Variants in VPS39 observed in about 807,000 individuals in gnomAD.
The protein encoded by VPS39 is VPS39 subunit of HOPS complex, also known as vam6/Vps39-like protein.
Under a neutral mutation model 121.0 loss-of-function variants are expected in VPS39, and 70 were observed. The ratio of observed to expected loss-of-function variants is 0.58; its 90% CI spans 0.48 to 0.71. The LOEUF is 0.71. Ranked by LOEUF, VPS39 falls within the 30% of genes least tolerant of loss-of-function variation. The probability of loss-of-function intolerance (pLI) is 0.00; values close to 1 mark genes in which losing one functional copy is unlikely to be tolerated. For synonymous variants in VPS39, 378 were observed against 398.1 expected (o/e 0.95, Z 0.60); for missense variants, 818 against 1,051.5 (o/e 0.78, Z 3.07).
At chr15:42,161,877 C>G in intron 23 of VPS39, 104 bp from the exon 24 acceptor site, 19 of 1,590,570 alleles carry the variant, frequency 1.2e-5, no homozygotes, top group Non-Finnish European at 1.6e-5. Flanking sequence ...ACAGATTCTT[C>G]TGCTTAGAAC....
At chr15:42,205,501 T>C (rs891391218) in intron 1 of VPS39, among the ~76,000 whole-genome samples, 1 of 152,256 alleles carries the variant, frequency 6.6e-6, no homozygotes, top group African/African-American at 2.4e-5. Context: ...GCTTTGTGCA[T>C]TGATGGAACA....
chr15:42,176,580 T>C (rs564619895), intron 10 of VPS39, among the ~76,000 whole-genome samples: 39 of 151,100 alleles, frequency 2.6e-4, no homozygotes, highest in South Asian at 6.3e-4. Context: ...TAAAATAATA[T>C]AGGACAATGC....
chr15:42,204,020 C>T lies in VPS39; in HGVS notation c.74-4059G>A, dbSNP rs534823903. On this transcript the variant is annotated intron_variant, in intron 1 of 24. Transcript: ENST00000318006. ...CCTAACCCTGAGCCACAAGGTTGGA[C>T]TTAATTCCTCCTGAGAAGGAGGGCT... is the stretch of plus-strand genomic sequence containing the variant. Among the ~76,000 whole-genome samples, 173 of 152,356 alleles carry T rather than the reference C, an allele frequency of 1.1e-3. 1 individual carries two copies. The highest frequency in any genetic ancestry group is 1.7e-3 in the Non-Finnish European group (116 of 68,030).
chr15:42,201,613 C>T (rs1431261337), intron 1 of VPS39, among the ~76,000 whole-genome samples: 4 of 152,176 alleles, frequency 2.6e-5, no homozygotes, highest in Admixed American at 2.6e-4. Context: ...AAAGTAGGCC[C>T]AGGAATTTTC....
chr15:42,199,102 T>C (rs2050009029), intron 2 of VPS39, among the ~76,000 whole-genome samples: 1 of 152,118 alleles, frequency 6.6e-6, no homozygotes, highest in African/African-American at 2.4e-5. Context: ...ATATATATTA[T>C]ATTGAAGGGT....
chr15:42,164,822 T>A, intron 18 of VPS39, 174 bp downstream of exon 18: 1 of 1,439,284 alleles, frequency 6.9e-7, no homozygotes, highest in Non-Finnish European at 9.1e-7. Context: ...AGACAAGAGC[T>A]CCTGAGTCTC....
In VPS39 at chr15:42,161,723, C is replaced by T. The variant is rs1204986154; in HGVS notation, c.2511G>A (p.Glu837=). Residue 837 remains glutamate (E), a synonymous_variant, in exon 24 of 25, where the codon GAG becomes GAA. Coordinates refer to ENST00000318006, the MANE Select transcript of VPS39 (RefSeq NM_015289.5). ...LHQQVKCIIT[E]EKVCMVCKKK... ...TCTTACACACCATGCACACCTTCTC[C>T]TCTGTGATGATGCACTTCACCTGCT... is the stretch of plus-strand genomic sequence containing the variant. The T allele has an allele frequency of 1.2e-6, 2 of 1,614,084 alleles. No homozygotes were observed. The highest frequency in any genetic ancestry group is 2.7e-5 in the African/African-American group (2 of 74,926).
rs1215216226 is a variant in VPS39 at position 42,192,213 on chromosome 15, A to AATT, written c.140-656_140-654dup. 2.1e-5 allele frequency: 21 copies of AATT among 979,364 alleles called. No homozygotes were observed. The African/African-American group carries it at 2.4e-4, about 11-fold the overall frequency. 60.7% of individuals were successfully genotyped at this position (979,364 alleles called of 1,614,324 possible). A position where few individuals can be genotyped will look rare whatever the true frequency, so the allele number is the denominator to read the frequency against. ...GTCACCAATGAGTCAAAAAGAGAAT[A>AATT]ATTATCATCATCATCATCAGAGCAG... On this transcript the variant is annotated intron_variant, in intron 2 of 24. Coordinates refer to ENST00000318006, the MANE Select transcript of VPS39 (RefSeq NM_015289.5).
intron 7 of VPS39, among the ~76,000 whole-genome samples, chr15:42,185,362 T>G (rs1415967511): frequency 6.6e-6 from 1 of 151,890 alleles, no homozygotes; most frequent in South Asian, 2.1e-4. Flanking sequence ...TTTTTGTATT[T>G]TTAGTAGAGA....
intron 23 of VPS39, 63 bp downstream of exon 23, chr15:42,161,969 G>A: frequency 4.4e-6 from 7 of 1,608,170 alleles, no homozygotes; most frequent in Non-Finnish European, 5.9e-6. Context: ...AAGGGAACAT[G>A]TGGACATTGT....
intron 2 of VPS39, among the ~76,000 whole-genome samples, chr15:42,195,429 C>T (rs1180588397): frequency 6.6e-6 from 1 of 152,156 alleles, no homozygotes; most frequent in Non-Finnish European, 1.5e-5. Context: ...ACAAAAATGG[C>T]TCAGCCCAAA....
intron 1 of VPS39, among the ~76,000 whole-genome samples, chr15:42,206,365 T>G (rs1320117548): frequency 6.6e-6 from 1 of 152,230 alleles, no homozygotes; most frequent in Non-Finnish European, 1.5e-5. Flanking sequence ...AATGGCCTCT[T>G]GTAACCTAAT....
intron 4 of VPS39, among the ~76,000 whole-genome samples, chr15:42,189,582 A>T (rs1016782307): frequency 6.6e-6 from 1 of 151,964 alleles, no homozygotes; most frequent in Non-Finnish European, 1.5e-5. Context: ...TACAAAAATC[A>T]GCTGGGTATG....
chr15:42,192,005 G>A, intron 2 of VPS39: 3 of 1,502,996 alleles, frequency 2.0e-6, no homozygotes, highest in Non-Finnish European at 2.7e-6. Context: ...GTATCACGGA[G>A]ACAGAGCAAA....
In VPS39 at chr15:42,188,368, A is replaced by G. The variant is rs187658760; in HGVS notation, c.343-512T>C. On this transcript the variant is annotated intron_variant, in intron 5 of 24. Transcript: ENST00000318006. ...AGAGAGAGGGGTGAGGCAGATTCTG[A>G]AGAATAAAAGAATGATAAATTGGCA... Among the ~76,000 whole-genome samples, 500 of 152,334 alleles carry G rather than the reference A, an allele frequency of 3.3e-3. 1 individual carries two copies. The highest frequency in any genetic ancestry group is 7.3e-3 in the Admixed American group (112 of 15,300).
intron 17 of VPS39, 69 bp downstream of exon 17, chr15:42,165,649 G>T: frequency 2.3e-6 from 3 of 1,285,832 alleles, no homozygotes; most frequent in South Asian, 1.2e-5. Context: ...TGAACAGCCC[G>T]ATAACAGAAC....
intron 7 of VPS39, 110 bp from the exon 8 acceptor site, chr15:42,184,810 T>C (rs1292734401): frequency 1.3e-5 from 14 of 1,040,152 alleles, no homozygotes; most frequent in Admixed American, 2.6e-5. Flanking sequence ...TATTCCTTGT[T>C]TGACATAAGA....
At chr15:42,201,705 G>A (rs2050072751) in intron 1 of VPS39, among the ~76,000 whole-genome samples, 1 of 152,114 alleles carries the variant, frequency 6.6e-6, no homozygotes, top group South Asian at 2.1e-4. Context: ...GGTAAAAAGA[G>A]GCTCAGAAAG....
At chr15:42,196,723 G>A (rs1039884285) in intron 2 of VPS39, among the ~76,000 whole-genome samples, 1 of 152,228 alleles carries the variant, frequency 6.6e-6, no homozygotes, top group African/African-American at 2.4e-5. Flanking sequence ...TACACTGTTG[G>A]TGGGACTGTA....
Sources: allele counts gnomAD v4.1 joint callset (sites outside exome capture counted in the v4.1 genomes callset), GRCh38; gene constraint gnomAD v4.1.1; transcripts MANE v1.5; gene names NCBI Gene and HGNC (gene_info 2026-07-23, HGNC 2026-07-21).